Variants in OSBPL9 observed in about 807,000 individuals in gnomAD.
The protein encoded by OSBPL9 is oxysterol-binding protein-related protein 9.
Under a neutral mutation model 106.6 loss-of-function variants are expected in OSBPL9, and 40 were observed. The observed-to-expected ratio is 0.38, with a 90% CI of 0.29 to 0.49. The LOEUF is 0.49. Among genes scored for constraint, OSBPL9 ranks in the 20% least tolerant of loss-of-function variants. The pLI, the probability that OSBPL9 is intolerant of heterozygous loss-of-function variation, is 0.97. For missense variants in OSBPL9, 609 were observed against 887.2 expected, an observed-to-expected ratio of 0.69 and a Z score of 3.98; for synonymous variants, 269 against 295.4, an observed-to-expected ratio of 0.91 and a Z score of 0.92.
chr1:51,637,227 C>A (rs1342320557), intron 1 of OSBPL9, among the ~76,000 whole-genome samples: 1 of 152,160 alleles, frequency 6.6e-6, no homozygotes, highest in Non-Finnish European at 1.5e-5. Context: ...CATGTTGGCT[C>A]ACGCCTGTAA....
chr1:51,773,834 A>AAGTGAGAACAGAGACACAAG lies in OSBPL9; in HGVS notation c.1170+1111_1170+1112insAGTGAGAACAGAGACACAAG, dbSNP rs1674454511. Among the ~76,000 whole-genome samples the AAGTGAGAACAGAGACACAAG allele has an allele frequency of 2.0e-5, 3 of 152,328 alleles. No homozygotes were observed. In the South Asian group the frequency reaches 6.2e-4, roughly 32 times the overall value. Reference sequence around the variant, plus strand: ...GAACAGAGACACAAGGACAACTTTTATTTGTGGAGCCCAACACACTTACTA... The same window carrying AAGTGAGAACAGAGACACAAG: ...GAACAGAGACACAAGGACAACTTTTAAGTGAGAACAGAGACACAAGTTTGTGGAGCCCAACACACTTACTA... On this transcript the variant is annotated intron_variant, in intron 14 of 23. Transcript: ENST00000428468.
At chr1:51,569,218 G>A in the OSBPL9 span, among the ~76,000 whole-genome samples, 3 of 152,210 alleles carry the variant, frequency 2.0e-5, no homozygotes, top group East Asian at 5.8e-4. Context: ...CTGAGGCAGA[G>A]TACAATGCCT....
the OSBPL9 span, among the ~76,000 whole-genome samples, chr1:51,555,650 C>A: frequency 1.3e-5 from 2 of 152,064 alleles, no homozygotes; most frequent in Non-Finnish European, 2.9e-5. Flanking sequence ...TCACTGCAAC[C>A]TCCACCTCCT....
chr1:51,605,778 C>T (rs571211799), intron 2 of OSBPL9, among the ~76,000 whole-genome samples: 6 of 151,612 alleles, frequency 4.0e-5, no homozygotes, highest in South Asian at 2.1e-4. Flanking sequence ...GTCAGGAGTC[C>T]GAGACCAGCC....
Position 51,750,143 on chromosome 1 carries a change from A to G in OSBPL9, c.493-2A>G. 1 of 1,592,704 alleles carries G rather than the reference A, an allele frequency of 6.3e-7. No homozygotes were observed. The highest frequency in any genetic ancestry group is 8.5e-7 in the Non-Finnish European group (1 of 1,171,566). Reference sequence around the variant, plus strand: ...CCTAAAATCAGTGTTTTGTTTTTATAGAGCATGGTAGAATCAATTAAACAC... The same window carrying G: ...CCTAAAATCAGTGTTTTGTTTTTATGGAGCATGGTAGAATCAATTAAACAC... On this transcript the variant is annotated splice_acceptor_variant, in intron 7 of 23. Transcript: ENST00000428468. LOFTEE classifies it high-confidence loss of function.
the OSBPL9 span, among the ~76,000 whole-genome samples, chr1:51,528,861 G>A: frequency 1.3e-5 from 2 of 152,194 alleles, no homozygotes; most frequent in East Asian, 3.9e-4. Flanking sequence ...GAGACAGAAC[G>A]AGACTGTCTC....
intron 3 of OSBPL9, among the ~76,000 whole-genome samples, chr1:51,693,538 G>A (rs1030888747): frequency 6.6e-6 from 1 of 152,148 alleles, no homozygotes; most frequent in Non-Finnish European, 1.5e-5. Flanking sequence ...TATAGGAGGC[G>A]TAGTAAGGCA....
At chr1:51,613,572 C>T (rs1644004222), upstream of OSBPL9, among the ~76,000 whole-genome samples, 1 of 151,886 alleles carries the variant, frequency 6.6e-6, no homozygotes, top group African/African-American at 2.4e-5. Flanking sequence ...TGGCACAGTC[C>T]CTGGCATAGG....
the OSBPL9 span, among the ~76,000 whole-genome samples, chr1:51,569,996 A>G: frequency 1.3e-5 from 2 of 152,224 alleles, no homozygotes; most frequent in Non-Finnish European, 2.9e-5. Context: ...GCAAGGAGCC[A>G]AGCTGGAATT....
At chr1:51,540,383 G>A in the OSBPL9 span, among the ~76,000 whole-genome samples, 2 of 151,994 alleles carry the variant, frequency 1.3e-5, no homozygotes, top group African/African-American at 4.8e-5. Context: ...TTAGCCGGGC[G>A]TGGTGGTTCA....
intron 2 of OSBPL9, among the ~76,000 whole-genome samples, chr1:51,609,286 T>C (rs1307351748): frequency 6.6e-6 from 1 of 151,834 alleles, no homozygotes; most frequent in African/African-American, 2.4e-5. Flanking sequence ...AACCATACAC[T>C]CTATCCACAT....
At chr1:51,621,131 T>C (rs1644403843) in intron 1 of OSBPL9, among the ~76,000 whole-genome samples, 1 of 152,248 alleles carries the variant, frequency 6.6e-6, no homozygotes, top group Non-Finnish European at 1.5e-5. Flanking sequence ...TCTTGTTTTA[T>C]TAGTACTCCC....
the OSBPL9 span, among the ~76,000 whole-genome samples, chr1:51,545,003 CT>C: frequency 6.6e-6 from 1 of 151,958 alleles, no homozygotes; most frequent in Non-Finnish European, 1.5e-5. Context: ...ACTACCACTC[CT>C]GGCTAATTTT....
intron 3 of OSBPL9, chr1:51,709,884 A>T (rs1387825901): frequency 6.6e-6 from 1 of 152,328 alleles, no homozygotes; most frequent in Non-Finnish European, 1.5e-5. Context: ...GCATGGTCCA[A>T]CATCCTCACA....
chr1:51,616,003 GTTTTTT>G (rs764823727), upstream of OSBPL9, among the ~76,000 whole-genome samples: 10 of 104,508 alleles, frequency 9.6e-5, no homozygotes, highest in African/African-American at 3.6e-4. Flanking sequence ...AAATCCTTTG[GTTTTTT>G]TTTTTTTTTT....
At chr1:51,582,358 C>T (rs1157299081) in intron 1 of OSBPL9, among the ~76,000 whole-genome samples, 2 of 152,164 alleles carry the variant, frequency 1.3e-5, no homozygotes, top group Admixed American at 6.5e-5. Context: ...GACAAAGTCT[C>T]GCTCTGTTAC....
intron 1 of OSBPL9, among the ~76,000 whole-genome samples, chr1:51,592,240 G>C (rs1000304546): frequency 4.1e-5 from 6 of 144,972 alleles, no homozygotes; most frequent in Non-Finnish European, 7.5e-5. Context: ...CCAGCCTCCC[G>C]AGTAGCTGGG....
chr1:51,745,953 A>G (rs376282354), intron 5 of OSBPL9, among the ~76,000 whole-genome samples: 3 of 151,962 alleles, frequency 2.0e-5, no homozygotes, highest in Non-Finnish European at 2.9e-5. Flanking sequence ...TAGTGGCTCA[A>G]TTTCTTTTTT....
In OSBPL9 at chr1:51,595,922, C is replaced by T. The variant is rs187825022; in HGVS notation, c.-422-2202C>T. Among the ~76,000 whole-genome samples the T allele has an allele frequency of 1.1e-4, 16 of 152,180 alleles. No individual in the cohort carries two copies. In the East Asian group the frequency reaches 2.9e-3, roughly 28 times the overall value. ...GAAACCAGGCCTTCTCATTCCAGTG[C>T]CTTCACTACACTTTCGTTTAACTTC... On this transcript the variant is annotated intron_variant, in intron 1 of 25. Transcript: ENST00000371714.
Sources: allele counts gnomAD v4.1 joint callset (sites outside exome capture counted in the v4.1 genomes callset), GRCh38; gene constraint gnomAD v4.1.1; transcripts MANE v1.5; gene names NCBI Gene and HGNC (gene_info 2026-07-23, HGNC 2026-07-21).